Variants in FBXL17 observed in about 807,000 individuals in gnomAD.
FBXL17 encodes the protein F-box and leucine rich repeat protein 17, also known as F-box/LRR-repeat protein 17.
Under a neutral mutation model 66.2 loss-of-function variants are expected in FBXL17, and 22 were observed. The observed-to-expected ratio is 0.33, with a 90% CI of 0.24 to 0.47. The LOEUF is 0.47. FBXL17 is among the 20% of genes least tolerant of loss of function. FBXL17 has a pLI of 1.00. For missense variants in FBXL17, 878 were observed against 948.2 expected (o/e 0.93, Z 0.97); for synonymous variants, 474 against 400.5 (o/e 1.18, Z -2.19).
chr5:108,302,062 T>C (rs1396558279), intron 4 of FBXL17: 7 of 982,788 alleles, frequency 7.1e-6, no homozygotes, highest in Non-Finnish European at 8.5e-6. Context: ...TATGTCTTTC[T>C]GAAAAACATG....
At chr5:108,050,739 C>T (rs1580374032) in intron 6 of FBXL17, among the ~76,000 whole-genome samples, 1 of 151,686 alleles carries the variant, frequency 6.6e-6, no homozygotes, top group African/African-American at 2.4e-5. Context: ...ACACGAAACT[C>T]CCCCCCAAAA....
At chr5:108,290,952 T>C (rs1050359599) in intron 4 of FBXL17, among the ~76,000 whole-genome samples, 2 of 152,158 alleles carry the variant, frequency 1.3e-5, no homozygotes, top group African/African-American at 4.8e-5. Context: ...ATTTCCATGA[T>C]ATACAGAATA....
intron 7 of FBXL17, among the ~76,000 whole-genome samples, chr5:107,927,551 A>G (rs1275833016): frequency 6.6e-6 from 1 of 152,122 alleles, no homozygotes; most frequent in Non-Finnish European, 1.5e-5. Context: ...TAGAAAATAA[A>G]ATTTCCAATT....
At position 108,381,431 on chromosome 5, in the gene FBXL17, C is replaced by T. The variant is rs1251591449; in HGVS notation, c.261G>A (p.Arg87=). The T allele has an allele frequency of 2.5e-5, 33 of 1,316,924 alleles. No homozygotes were observed. The highest frequency in any genetic ancestry group is 3.0e-5 in the Non-Finnish European group (31 of 1,041,048). The allele number at this position is 1,316,924 out of a possible 1,614,324, so 81.6% of individuals were successfully genotyped here. The stretch of plus-strand genomic sequence containing the variant: ...AGGAGGCGGCAGCGTAGGCCCCGTC[C>T]CGCGGCGGCGGCGAGAGCGGCGGCT... ...EEEPPLSPPP[R]DGAYAAASSS... Residue 87 remains arginine (R), a synonymous_variant, in exon 1 of 9, where the codon CGG becomes CGA. Coordinates refer to ENST00000542267, the MANE Select transcript of FBXL17 (RefSeq NM_001163315.3).
intron 4 of FBXL17, among the ~76,000 whole-genome samples, chr5:108,237,260 G>A (rs1755648712): frequency 6.6e-6 from 1 of 152,186 alleles, no homozygotes; most frequent in South Asian, 2.1e-4. Flanking sequence ...AACACTTCAT[G>A]TTAAGTGCTG....
At chr5:108,141,508 T>C (rs1751349324) in intron 6 of FBXL17, among the ~76,000 whole-genome samples, 1 of 152,248 alleles carries the variant, frequency 6.6e-6, no homozygotes, top group East Asian at 1.9e-4. Context: ...TAAGCCATTG[T>C]AGGACCTAAA....
At chr5:108,186,851 G>A (rs761797417) in intron 5 of FBXL17, among the ~76,000 whole-genome samples, 3 of 151,756 alleles carry the variant, frequency 2.0e-5, no homozygotes, top group Non-Finnish European at 4.4e-5. Context: ...CTAATAGGTA[G>A]GCAAGGTATT....
chr5:108,111,043 C>G (rs1451529061), intron 6 of FBXL17, among the ~76,000 whole-genome samples: 1 of 152,140 alleles, frequency 6.6e-6, no homozygotes, highest in African/African-American at 2.4e-5. Flanking sequence ...GGCCTGACCC[C>G]TTTCCTTTTT....
chr5:108,145,900 C>T (rs1751535713), intron 6 of FBXL17, among the ~76,000 whole-genome samples: 2 of 151,618 alleles, frequency 1.3e-5, no homozygotes, highest in African/African-American at 4.8e-5. Flanking sequence ...GAGAAATGCA[C>T]AAGACGGCAG....
chr5:108,013,715 A>T (rs1754269072), intron 7 of FBXL17, among the ~76,000 whole-genome samples: 1 of 152,166 alleles, frequency 6.6e-6, no homozygotes, highest in Non-Finnish European at 1.5e-5. Flanking sequence ...AAACAAAAAT[A>T]AAAAACCAGT....
chr5:108,381,837 C>T lies in FBXL17; in HGVS notation c.-146G>A. 7.7e-7 allele frequency: 1 copy of T among 1,295,060 alleles called. No individual in the cohort carries two copies. Among genetic ancestry groups the T allele is most frequent in the Non-Finnish European group, 9.8e-7 (1 of 1,021,846 alleles). The allele number at this position is 1,295,060 out of a possible 1,614,324, so 80.2% of individuals were successfully genotyped here. On this transcript the variant is annotated 5_prime_UTR_variant, in exon 1 of 9. The change creates a new upstream start codon in the 5' untranslated region. Coordinates refer to ENST00000542267, the MANE Select transcript of FBXL17 (RefSeq NM_001163315.3). ...ACACACACGCACACACGGGCACACA[C>T]GCGACGGTGGGGGGTGGGCGTCAGC... is the stretch of plus-strand genomic sequence containing the variant.
At chr5:108,047,972 C>T (rs1467717694) in intron 6 of FBXL17, among the ~76,000 whole-genome samples, 1 of 152,210 alleles carries the variant, frequency 6.6e-6, no homozygotes, top group Non-Finnish European at 1.5e-5. Context: ...GATCCTGTTC[C>T]CCATGCCACC....
chr5:108,329,920 A>G (rs1282395238), intron 4 of FBXL17, among the ~76,000 whole-genome samples: 2 of 152,124 alleles, frequency 1.3e-5, no homozygotes, highest in African/African-American at 2.4e-5. Flanking sequence ...TAAATACAAC[A>G]TAATAGGAAA....
intron 7 of FBXL17, among the ~76,000 whole-genome samples, chr5:107,982,893 C>A (rs1290928063): frequency 6.6e-6 from 1 of 152,180 alleles, no homozygotes; most frequent in Non-Finnish European, 1.5e-5. Context: ...CTACAGTGCT[C>A]CTCCCATGCC....
intron 4 of FBXL17, among the ~76,000 whole-genome samples, chr5:108,229,659 A>G (rs1489949214): frequency 6.6e-6 from 1 of 152,202 alleles, no homozygotes; most frequent in East Asian, 1.9e-4. Flanking sequence ...TGGCTTAGGC[A>G]AAGACCTCAT....
At chr5:108,098,305 TG>T (rs1749460439) in intron 6 of FBXL17, among the ~76,000 whole-genome samples, 1 of 152,170 alleles carries the variant, frequency 6.6e-6, no homozygotes, top group African/African-American at 2.4e-5. Flanking sequence ...TGGTGAAGGC[TG>T]CAGTGAGCCA....
At chr5:108,030,967 A>G (rs1746601586) in intron 6 of FBXL17, among the ~76,000 whole-genome samples, 1 of 152,106 alleles carries the variant, frequency 6.6e-6, no homozygotes, top group African/African-American at 2.4e-5. Context: ...CTTTTATTGA[A>G]AGGTAAGCAC....
At chr5:107,992,517 A>G (rs1169617220) in intron 7 of FBXL17, among the ~76,000 whole-genome samples, 2 of 152,182 alleles carry the variant, frequency 1.3e-5, no homozygotes, top group African/African-American at 4.8e-5. Flanking sequence ...GCCATTACTA[A>G]GCAGATTTTC....
intron 6 of FBXL17, among the ~76,000 whole-genome samples, chr5:108,133,853 G>T (rs929135844): frequency 6.6e-6 from 1 of 151,994 alleles, no homozygotes; most frequent in Non-Finnish European, 1.5e-5. Flanking sequence ...AGTCAAATGA[G>T]TTGGCACACG....
Sources: allele counts gnomAD v4.1 joint callset (sites outside exome capture counted in the v4.1 genomes callset), GRCh38; gene constraint gnomAD v4.1.1; transcripts MANE v1.5; gene names NCBI Gene and HGNC (gene_info 2026-07-23, HGNC 2026-07-21).